The following RGS9 variants were observed in gnomAD, a reference collection of about 807,000 sequenced individuals.
RGS9 encodes the protein regulator of G protein signaling 9.
Under a neutral mutation model 102.0 loss-of-function variants are expected in RGS9, and 78 were observed. That is an observed-to-expected ratio of 0.76 (90% CI 0.64 to 0.92). The LOEUF (loss-of-function observed/expected upper bound fraction) is 0.92. Ranked by LOEUF, RGS9 falls within the 40% of genes least tolerant of loss-of-function variation. The probability of loss-of-function intolerance (pLI) is 0.00; values close to 1 mark genes in which losing one functional copy is unlikely to be tolerated. For missense variants in RGS9, 833 were observed against 866.1 expected, an observed-to-expected ratio of 0.96 and a Z score of 0.48; for synonymous variants, 353 against 318.6, an observed-to-expected ratio of 1.11 and a Z score of -1.15.
rs369869237 is a variant in RGS9, at chr17:65,189,318, A to C, written c.684+3A>C. 6.2e-7 allele frequency: 1 copy of C among 1,607,352 alleles called. No individual in the cohort carries two copies. The highest frequency in any genetic ancestry group is 8.5e-7 in the Non-Finnish European group (1 of 1,174,042). ...CAGTCGTTGCTGTCAAAAAAGAGGTAATTAGTCTTACACTTCCAGTGAAGA... is the reference window on the plus strand; with the variant it reads ...CAGTCGTTGCTGTCAAAAAAGAGGTCATTAGTCTTACACTTCCAGTGAAGA... On this transcript the variant is annotated splice_donor_region_variant and intron_variant, in intron 10 of 18. Transcript: ENST00000262406.
chr17:65,143,778 A>G (rs1271576134), intron 1 of RGS9, among the ~76,000 whole-genome samples: 1 of 141,978 alleles, frequency 7.0e-6, no homozygotes, highest in Non-Finnish European at 1.5e-5. Flanking sequence ...TGGGCGACAG[A>G]GCCAGACTCT....
At chr17:65,191,576 G>A (rs1175589629) in intron 11 of RGS9, among the ~76,000 whole-genome samples, 1 of 151,852 alleles carries the variant, frequency 6.6e-6, no homozygotes, top group Non-Finnish European at 1.5e-5. Context: ...ATGGAGCCCC[G>A]TCTCTACTAA....
intron 1 of RGS9, among the ~76,000 whole-genome samples, chr17:65,141,275 T>G (rs555306904): frequency 6.6e-6 from 1 of 152,296 alleles, no homozygotes; most frequent in African/African-American, 2.4e-5. Context: ...CTCCTGTGGT[T>G]CCAGCACCCA....
intron 1 of RGS9, among the ~76,000 whole-genome samples, chr17:65,138,111 C>A (rs1909983473): frequency 6.6e-6 from 1 of 152,306 alleles, no homozygotes; most frequent in Non-Finnish European, 1.5e-5. Flanking sequence ...TCTGCGCTGG[C>A]GGCAGAAGTC....
chr17:65,149,131 T>A (rs1475583792), intron 1 of RGS9, among the ~76,000 whole-genome samples: 1 of 123,146 alleles, frequency 8.1e-6, no homozygotes, highest in Non-Finnish European at 1.5e-5. Flanking sequence ...CCGGCTAGTT[T>A]TTTTTTTGTT....
Position 65,160,540 on chromosome 17 carries a change from C to A in RGS9, c.317C>A (p.Pro106Gln), listed in dbSNP as rs374141415. ...TTTCCCTGGTTTCTTTTGCAGACAC[C>A]GTATTTCTGGCCCACCCAGCAGTGG... ...PDGSLYRFQT[P>Q]YFWPTQQWPA... The change falls in exon 5 of 19, where the codon CCG becomes CAG. Residue 106 changes from proline to glutamine, a missense_variant. Transcript: ENST00000262406. The A allele has an allele frequency of 6.0e-5, 97 of 1,614,038 alleles. 1 individual carries two copies. The Admixed American group carries it at 1.6e-3, about 27-fold the overall frequency.
intron 1 of RGS9, among the ~76,000 whole-genome samples, chr17:65,152,757 C>A (rs902447831): frequency 3.3e-5 from 5 of 152,226 alleles, no homozygotes; most frequent in African/African-American, 9.6e-5. Context: ...TCAGAAACTC[C>A]TGGGTTTAAG....
intron 17 of RGS9, among the ~76,000 whole-genome samples, chr17:65,218,965 A>G (rs1913605812): frequency 1.3e-5 from 2 of 152,236 alleles, no homozygotes; most frequent in African/African-American, 2.4e-5. Flanking sequence ...GGGAAGCCAC[A>G]TAATGTTTTG....
At position 65,174,883 on chromosome 17, in the gene RGS9, C is replaced by T. The variant is rs115244179; in HGVS notation, c.583-2849C>T. ...TGACATGGTGGCAGGCGAGAGAGAG[C>T]GAGTATGTGAAAGAGGAACTGTCAG... is the stretch of plus-strand genomic sequence containing the variant. On this transcript the variant is annotated intron_variant, in intron 8 of 18. Coordinates refer to ENST00000262406, the MANE Select transcript of RGS9 (RefSeq NM_003835.4). 2.3e-3 allele frequency among the ~76,000 whole-genome samples: 353 copies of T among 152,080 alleles called. 2 individuals are homozygous for T. Among genetic ancestry groups the T allele is most frequent in the African/African-American group, 8.2e-3 (341 of 41,452 alleles).
intron 13 of RGS9, among the ~76,000 whole-genome samples, chr17:65,197,587 G>A (rs1912645296): frequency 6.6e-6 from 1 of 152,186 alleles, no homozygotes; most frequent in South Asian, 2.1e-4. Flanking sequence ...TAATGAACCT[G>A]GAGGAAGGGA....
At chr17:65,166,882 G>A (rs1451945348) in intron 7 of RGS9, among the ~76,000 whole-genome samples, 1 of 152,202 alleles carries the variant, frequency 6.6e-6, no homozygotes, top group Non-Finnish European at 1.5e-5. Flanking sequence ...GGAGGCTGAC[G>A]GAACGCCCAA....
chr17:65,200,434 A>G (rs953659673), intron 13 of RGS9, among the ~76,000 whole-genome samples: 36 of 152,234 alleles, frequency 2.4e-4, no homozygotes, highest in African/African-American at 8.7e-4. Flanking sequence ...CTTTCCACTT[A>G]CTGGCTATCA....
intron 1 of RGS9, among the ~76,000 whole-genome samples, chr17:65,139,924 T>C (rs1910091204): frequency 6.6e-6 from 1 of 152,228 alleles, no homozygotes; most frequent in Admixed American, 6.5e-5. Flanking sequence ...CATTCGATGT[T>C]CAGCTTTCTG....
intron 16 of RGS9, 54 bp downstream of exon 16, chr17:65,208,061 G>A (rs1228481592): frequency 3.2e-6 from 4 of 1,243,798 alleles, no homozygotes; most frequent in Admixed American, 1.7e-5. Context: ...TTACAGAGAA[G>A]TGAGGGTCTC....
In RGS9 at chr17:65,161,698, T is replaced by A. The variant is rs551204286; in HGVS notation, c.423+789T>A. ...GGTTAAAATCTTGCTGTGTTTTTAT[T>A]TTTATTTATATATTTATTTATTTAT... is the stretch of plus-strand genomic sequence containing the variant. On this transcript the variant is annotated intron_variant, in intron 6 of 18. Coordinates refer to ENST00000262406, the MANE Select transcript of RGS9 (RefSeq NM_003835.4). 2.8e-3 allele frequency among the ~76,000 whole-genome samples: 417 copies of A among 150,342 alleles called. 2 individuals carry two copies. The highest frequency in any genetic ancestry group is 9.6e-3 in the African/African-American group (393 of 41,072).
intron 17 of RGS9, among the ~76,000 whole-genome samples, chr17:65,220,342 A>G (rs1003641908): frequency 6.6e-6 from 1 of 152,158 alleles, no homozygotes; most frequent in Non-Finnish European, 1.5e-5. Flanking sequence ...GAGGGGGAGA[A>G]GTTGATGTCA....
intron 9 of RGS9, among the ~76,000 whole-genome samples, chr17:65,180,479 C>A (rs1911835964): frequency 6.6e-6 from 1 of 152,060 alleles, no homozygotes; most frequent in African/African-American, 2.4e-5. Context: ...TCCAGAGTAG[C>A]CGCGATTACA....
At chr17:65,193,272 A>G (rs1025207117) in intron 11 of RGS9, among the ~76,000 whole-genome samples, 4 of 146,248 alleles carry the variant, frequency 2.7e-5, no homozygotes, top group African/African-American at 5.4e-5. Flanking sequence ...AAAAAAAAAG[A>G]AAAAAAAGAA....
intron 1 of RGS9, among the ~76,000 whole-genome samples, chr17:65,140,205 G>A (rs1910105149): frequency 6.6e-6 from 1 of 152,226 alleles, no homozygotes; most frequent in Non-Finnish European, 1.5e-5. Context: ...TCTGTCACAA[G>A]TTGTGGTGCA....
Sources: allele counts gnomAD v4.1 joint callset (sites outside exome capture counted in the v4.1 genomes callset), GRCh38; gene constraint gnomAD v4.1.1; transcripts MANE v1.5; gene names NCBI Gene and HGNC (gene_info 2026-07-23, HGNC 2026-07-21).